SLC2A12: variants seen among roughly 807,000 people sequenced by gnomAD.
SLC2A12 encodes solute carrier family 2, facilitated glucose transporter member 12.
Under a neutral mutation model 41.8 loss-of-function variants are expected in SLC2A12, and 23 were observed. That is an observed-to-expected ratio of 0.55 (90% CI 0.40 to 0.78). The LOEUF is 0.78. Ranked by LOEUF, SLC2A12 falls within the 30% of genes least tolerant of loss-of-function variation. The probability of loss-of-function intolerance (pLI) is 0.00; values close to 1 mark genes in which losing one functional copy is unlikely to be tolerated. For synonymous variants in SLC2A12, 295 were observed against 285.9 expected (o/e 1.03, Z -0.32); for missense variants, 654 against 745.6 (o/e 0.88, Z 1.43).
chr6:134,038,084 T>C (rs991146357), intron 1 of SLC2A12, among the ~76,000 whole-genome samples: 11 of 152,170 alleles, frequency 7.2e-5, no homozygotes, highest in African/African-American at 2.7e-4. Flanking sequence ...TTGGCCTCTC[T>C]CAACACCTAT....
intron 2 of SLC2A12, among the ~76,000 whole-genome samples, chr6:134,019,534 G>C (rs111259432): frequency 0.013 from 1,951 of 152,262 alleles, 32 homozygotes; most frequent in African/African-American, 0.043. Context: ...CATATTTGAA[G>C]TGAAAGATAA....
At chr6:134,008,444 GT>G (rs1776840874) in intron 2 of SLC2A12, among the ~76,000 whole-genome samples, 1 of 152,124 alleles carries the variant, frequency 6.6e-6, no homozygotes, top group South Asian at 2.1e-4. Context: ...AATTATTATT[GT>G]TGTTCTTATT....
intron 2 of SLC2A12, among the ~76,000 whole-genome samples, chr6:134,012,593 A>C (rs915053972): frequency 3.3e-5 from 5 of 152,256 alleles, no homozygotes; most frequent in Non-Finnish European, 7.3e-5. Context: ...TTTAAAGTAG[A>C]ATAGTTATAT....
At chr6:134,034,898 A>G (rs1214617683) in intron 1 of SLC2A12, among the ~76,000 whole-genome samples, 2 of 152,154 alleles carry the variant, frequency 1.3e-5, no homozygotes, top group Non-Finnish European at 2.9e-5. Context: ...GCTTTGCTTC[A>G]CAGGGGCCCT....
At chr6:134,022,576 AAGAAAAG>A (rs1410896423) in intron 2 of SLC2A12, among the ~76,000 whole-genome samples, 13 of 109,546 alleles carry the variant, frequency 1.2e-4, no homozygotes, top group African/African-American at 5.0e-4. Context: ...AAGAAAAGAA[AAGAAAAG>A]AAAAGAAAAG....
Position 134,023,785 on chromosome 6 carries a change from G to A in SLC2A12, c.1444+4596C>T, listed in dbSNP as rs151193748. ...ATTTTGATTTTTAAAGTTTATCACAGCAATGGACTGAATTTAGGGCCCTTG... is the reference window on the plus strand; with the variant it reads ...ATTTTGATTTTTAAAGTTTATCACAACAATGGACTGAATTTAGGGCCCTTG... On this transcript the variant is annotated intron_variant, in intron 2 of 4. Coordinates refer to ENST00000275230, the MANE Select transcript of SLC2A12 (RefSeq NM_145176.3). Among the ~76,000 whole-genome samples, 30 of 152,284 alleles carry A rather than the reference G, an allele frequency of 2.0e-4. No individual in the cohort carries two copies. The East Asian group carries it at 5.8e-3, about 29-fold the overall frequency.
chr6:134,030,940 T>C (rs1419456976), intron 1 of SLC2A12, among the ~76,000 whole-genome samples: 2 of 152,160 alleles, frequency 1.3e-5, no homozygotes, highest in African/African-American at 2.4e-5. Flanking sequence ...TATGTAGAGA[T>C]TAGTTCTTCA....
rs1776576008 is a variant in SLC2A12 at position 133,988,795 on chromosome 6, A to G, written c.*2360T>C. The G allele has an allele frequency of 6.6e-6, 1 of 152,254 alleles. No individual in the cohort carries two copies. Among genetic ancestry groups the G allele is most frequent in the Middle Eastern group, 3.4e-3 (1 of 294 alleles). 9.4% of individuals were successfully genotyped at this position (152,254 alleles called of 1,614,324 possible). On this transcript the variant is annotated 3_prime_UTR_variant, in exon 5 of 5. Coordinates refer to ENST00000275230, the MANE Select transcript of SLC2A12 (RefSeq NM_145176.3). ...AGTAGGATAGCCAAATTCATAGAGA[A>G]TAAAATTACATGAAAGAGTTACAAG...
At chr6:133,997,135 T>C (rs1776706933) in intron 4 of SLC2A12, among the ~76,000 whole-genome samples, 1 of 147,376 alleles carries the variant, frequency 6.8e-6, no homozygotes. Context: ...CAGGCGCCTG[T>C]AGTCCCAGCT....
In SLC2A12 at chr6:134,038,541, G is replaced by GT. The variant is rs1411133124; in HGVS notation, c.104-8821dup. Reference sequence around the variant, plus strand: ...CACACCCCCTATTTTTGTATTTTTAGTAGAGACAGGGCTTCACCATGTTGG... The same window carrying GT: ...CACACCCCCTATTTTTGTATTTTTAGTTAGAGACAGGGCTTCACCATGTTGG... On this transcript the variant is annotated intron_variant, in intron 1 of 4. Transcript: ENST00000275230. 1.0e-4 allele frequency among the ~76,000 whole-genome samples: 15 copies of GT among 150,186 alleles called. No individual in the cohort carries two copies. The South Asian group carries it at 2.9e-3, about 30-fold the overall frequency.
intron 4 of SLC2A12, among the ~76,000 whole-genome samples, chr6:133,993,250 C>A (rs774240026): frequency 6.6e-6 from 1 of 152,190 alleles, no homozygotes; most frequent in East Asian, 1.9e-4. Context: ...CCACATTTGA[C>A]TCTAACCCCT....
chr6:134,034,362 TC>T (rs528160324), intron 1 of SLC2A12, among the ~76,000 whole-genome samples: 116 of 152,340 alleles, frequency 7.6e-4, no homozygotes, highest in African/African-American at 2.6e-3. Context: ...AACTAGCTTT[TC>T]CCCTTCCCTT....
intron 3 of SLC2A12, among the ~76,000 whole-genome samples, chr6:134,003,915 A>G (rs1213976721): frequency 6.6e-6 from 1 of 152,250 alleles, no homozygotes; most frequent in Non-Finnish European, 1.5e-5. Flanking sequence ...TGCCAAGTAG[A>G]ACCTCACGTC....
chr6:134,030,791 G>C (rs995981047), intron 1 of SLC2A12, among the ~76,000 whole-genome samples: 2 of 152,116 alleles, frequency 1.3e-5, no homozygotes, highest in African/African-American at 4.8e-5. Flanking sequence ...AGTACAGAGG[G>C]GGCACTTCAA....
chr6:134,030,285 T>C (rs1777185468), intron 1 of SLC2A12, among the ~76,000 whole-genome samples: 1 of 152,040 alleles, frequency 6.6e-6, no homozygotes, highest in Non-Finnish European at 1.5e-5. Flanking sequence ...GCTGAACACA[T>C]GAGGGTGTTG....
Position 134,004,638 on chromosome 6 carries a change from G to T in SLC2A12, c.1567+2174C>A, listed in dbSNP as rs187985246. Among the ~76,000 whole-genome samples, 170 of 152,228 alleles carry T rather than the reference G, an allele frequency of 1.1e-3. 1 individual carries two copies. Among genetic ancestry groups the T allele is most frequent in the African/African-American group, 4.0e-3 (167 of 41,526 alleles). ...TGCTGCATGTTCCTCATCTATATAT[G>T]AAATAAAGAGAAACCGACTCATTGG... On this transcript the variant is annotated intron_variant, in intron 3 of 4. Transcript: ENST00000275230.
Position 133,987,648 on chromosome 6 carries a change from G to GTGTATATATATATATATATA in SLC2A12, c.*3506_*3507insTATATATATATATATATACA, listed in dbSNP as rs200249148. ...TTTGTGTGTGTGTGTGTGTGTGTGT[G>GTGTATATATATATATATATA]TATATATATATATATATATGCACCA... is the stretch of plus-strand genomic sequence containing the variant. On this transcript the variant is annotated 3_prime_UTR_variant, in exon 5 of 5. Coordinates refer to ENST00000275230, the MANE Select transcript of SLC2A12 (RefSeq NM_145176.3). 3.5e-4 allele frequency: 31 copies of GTGTATATATATATATATATA among 88,386 alleles called. No homozygotes were observed. The highest frequency in any genetic ancestry group is 1.1e-3 in the African/African-American group (30 of 27,570). The allele number at this position is 88,386 out of a possible 1,614,324, so 5.5% of individuals were successfully genotyped here. A position where few individuals can be genotyped will look rare whatever the true frequency, so the allele number is the denominator to read the frequency against.
At chr6:134,025,734 C>T (rs556257207) in intron 2 of SLC2A12, among the ~76,000 whole-genome samples, 5 of 152,108 alleles carry the variant, frequency 3.3e-5, no homozygotes, top group African/African-American at 4.8e-5. Context: ...TTAGTAGAGA[C>T]GGGGTTTTCA....
At chr6:134,030,132 C>A (rs1051982280) in intron 1 of SLC2A12, among the ~76,000 whole-genome samples, 1 of 152,144 alleles carries the variant, frequency 6.6e-6, no homozygotes, top group Non-Finnish European at 1.5e-5. Flanking sequence ...AAAGGCAAAT[C>A]TTTGAGGGCA....
Sources: allele counts gnomAD v4.1 joint callset (sites outside exome capture counted in the v4.1 genomes callset), GRCh38; gene constraint gnomAD v4.1.1; transcripts MANE v1.5; gene names NCBI Gene and HGNC (gene_info 2026-07-23, HGNC 2026-07-21).